Variants in CACNA1E observed in about 807,000 individuals in gnomAD.
CACNA1E encodes the protein calcium voltage-gated channel subunit alpha1 E, also known as voltage-dependent R-type calcium channel subunit alpha-1E.
In CACNA1E, 40 loss-of-function variants were observed where a neutral mutation model predicts 259.2. That is an observed-to-expected ratio of 0.15 (90% confidence interval 0.12 to 0.20). CACNA1E has a LOEUF of 0.20. Ranked by LOEUF, CACNA1E falls within the 10% of genes least tolerant of loss-of-function variation. The pLI is 1.00. For missense variants in CACNA1E, 1,874 were observed against 3,040.1 expected, an observed-to-expected ratio of 0.62 and a Z score of 9.02; for synonymous variants, 1,104 against 1,138.5, an observed-to-expected ratio of 0.97 and a Z score of 0.61.
At chr1:181,644,655 T>C (rs758047809) in intron 6 of CACNA1E, among the ~76,000 whole-genome samples, 1 of 152,144 alleles carries the variant, frequency 6.6e-6, no homozygotes, top group Non-Finnish European at 1.5e-5. Context: ...AGAAACTGAT[T>C]GTGAAACTGA....
At chr1:181,725,082 G>T (rs1167788243) in intron 17 of CACNA1E, among the ~76,000 whole-genome samples, 1 of 152,200 alleles carries the variant, frequency 6.6e-6, no homozygotes, top group Non-Finnish European at 1.5e-5. Context: ...CCCCAGTGTG[G>T]GGAGGTAATA....
chr1:181,356,341 C>CAT lies in CACNA1E; in HGVS notation c.-15+38218_-15+38219insAT, dbSNP rs1553234184. Among the ~76,000 whole-genome samples the CAT allele has an allele frequency of 5.4e-5, 8 of 147,082 alleles. No individual in the cohort carries two copies. In the South Asian group the frequency reaches 1.3e-3, roughly 23 times the overall value. On this transcript the variant is annotated intron_variant, in intron 1 of 11. Coordinates refer to the CACNA1E transcript ENST00000524607. Reference sequence around the variant, plus strand: ...TATTCCCTGGCTGTTGCCTTCTATTCGTGTGTGTGTGTGTGTGTGTGTTCA... The same window carrying CAT: ...TATTCCCTGGCTGTTGCCTTCTATTCATGTGTGTGTGTGTGTGTGTGTGTTCA...
At position 181,806,982 on chromosome 1, in the gene CACNA1E, G is replaced by A. The variant is rs1260142438; in HGVS notation, c.*8148G>A. 6.6e-6 allele frequency: 1 copy of A among 152,024 alleles called. No homozygotes were observed. Among genetic ancestry groups the A allele is most frequent in the Admixed American group, 6.5e-5 (1 of 15,270 alleles). The allele number at this position is 152,024 out of a possible 1,614,324, so 9.4% of individuals were successfully genotyped here. A position where few individuals can be genotyped will look rare whatever the true frequency, so the allele number is the denominator to read the frequency against. The stretch of plus-strand genomic sequence containing the variant: ...TCCCAAGGACATCCTGGCTCTGAAA[G>A]GTTTTCTTTTGTTAAAAAATGCACT... On this transcript the variant is annotated 3_prime_UTR_variant, in exon 48 of 48. Coordinates refer to ENST00000367573, the MANE Select transcript of CACNA1E (RefSeq NM_001205293.3).
rs1449022927 is a variant in CACNA1E at position 181,804,251 on chromosome 1, T to C, written c.*5417T>C. ...ATACCTTGGTGATCTGCAATGTTTC[T>C]GAATCTGTTTCTCTTTAGGAAGTGA... On this transcript the variant is annotated 3_prime_UTR_variant, in exon 48 of 48. Transcript: ENST00000367573. The C allele has an allele frequency of 6.6e-6, 1 of 152,220 alleles. No homozygotes were observed. The highest frequency in any genetic ancestry group is 2.4e-5 in the African/African-American group (1 of 41,452). The allele number at this position is 152,220 out of a possible 1,614,324, so 9.4% of individuals were successfully genotyped here. A position where few individuals can be genotyped will look rare whatever the true frequency, so the allele number is the denominator to read the frequency against.
In CACNA1E at chr1:181,579,084, TGTTGAA is replaced by T; in HGVS notation, c.632_637del (p.Leu211_Lys212del). On this transcript the variant is annotated inframe_deletion, in exon 5 of 48. Coordinates refer to ENST00000367573, the MANE Select transcript of CACNA1E (RefSeq NM_001205293.3). ...TCCTTCCTTCTAGGCCTGCAGATTG[TGTTGAA>T]GTCCATCATGAAGGCCATGGTACCT... 1 of 1,611,066 alleles carries T rather than the reference TGTTGAA, an allele frequency of 6.2e-7. No individual in the cohort carries two copies. Among genetic ancestry groups the T allele is most frequent in the Non-Finnish European group, 8.5e-7 (1 of 1,178,562 alleles).
At chr1:181,598,974 G>A (rs1269459453) in intron 6 of CACNA1E, among the ~76,000 whole-genome samples, 2 of 151,738 alleles carry the variant, frequency 1.3e-5, no homozygotes, top group African/African-American at 4.9e-5. Flanking sequence ...AAGTTCAGGG[G>A]TATATGTGCA....
rs187338905 is a variant in CACNA1E at position 181,497,978 on chromosome 1, C to G, written c.267-12499C>G. On this transcript the variant is annotated intron_variant, in intron 1 of 47. Transcript: ENST00000367573. ...CTTTGCTATTTTGTCTTTCCCCCGC[C>G]AAAACTCCACTGCTGCAGTTCCTTT... 1.6e-3 allele frequency among the ~76,000 whole-genome samples: 251 copies of G among 152,346 alleles called. 1 individual carries two copies. Among genetic ancestry groups the G allele is most frequent in the African/African-American group, 5.7e-3 (239 of 41,580 alleles).
intron 7 of CACNA1E, among the ~76,000 whole-genome samples, chr1:181,684,463 C>T (rs1300774211): frequency 2.0e-5 from 3 of 152,106 alleles, no homozygotes; most frequent in African/African-American, 7.2e-5. Flanking sequence ...TTTTGCTGTG[C>T]AGAAGCTCTT....
rs1366280340 is a variant in CACNA1E at position 181,577,877 on chromosome 1, T to A, written c.616+8T>A. The A allele has an allele frequency of 6.3e-7, 1 of 1,580,876 alleles. No homozygotes were observed. Among genetic ancestry groups the A allele is most frequent in the Non-Finnish European group, 8.7e-7 (1 of 1,153,922 alleles). On this transcript the variant is annotated splice_region_variant and intron_variant, in intron 4 of 47. Coordinates refer to ENST00000367573, the MANE Select transcript of CACNA1E (RefSeq NM_001205293.3). ...TCGTGTCAGGGATACCTAGTGAGCATCTGCCATTCTTTCTGCTCTGCTAAG... is the reference window on the plus strand; with the variant it reads ...TCGTGTCAGGGATACCTAGTGAGCAACTGCCATTCTTTCTGCTCTGCTAAG...
intron 26 of CACNA1E, among the ~76,000 whole-genome samples, chr1:181,750,915 G>A (rs968618205): frequency 4.6e-5 from 7 of 151,608 alleles, no homozygotes; most frequent in East Asian, 1.9e-4. Flanking sequence ...CCTTCAATTC[G>A]ATTAAATATC....
chr1:181,421,318 C>A (rs1658726411), intron 2 of CACNA1E, among the ~76,000 whole-genome samples: 1 of 152,202 alleles, frequency 6.6e-6, no homozygotes, highest in Non-Finnish European at 1.5e-5. Flanking sequence ...CCTTGCAAGC[C>A]TGTTGCAAAG....
At chr1:181,360,065 G>T (rs568033013) in intron 1 of CACNA1E, among the ~76,000 whole-genome samples, 19 of 152,080 alleles carry the variant, frequency 1.2e-4, no homozygotes, top group Non-Finnish European at 2.5e-4. Flanking sequence ...GAATCATAAG[G>T]GTTTTGCTGC....
intron 1 of CACNA1E, among the ~76,000 whole-genome samples, chr1:181,344,663 A>G (rs1339163605): frequency 1.3e-5 from 2 of 152,216 alleles, no homozygotes; most frequent in African/African-American, 4.8e-5. Context: ...ACACTGTGGC[A>G]TCATCCCTGC....
At chr1:181,409,026 GA>G (rs1657663542) in intron 1 of CACNA1E, among the ~76,000 whole-genome samples, 1 of 152,126 alleles carries the variant, frequency 6.6e-6, no homozygotes. Flanking sequence ...GGCGTAGGCT[GA>G]ATGACAATAA....
In CACNA1E at chr1:181,785,402, A is replaced by G. The variant is rs1408019589; in HGVS notation, c.5663A>G (p.Gln1888Arg). The change falls in exon 42 of 48, where the codon CAG becomes CGG. Residue 1888 changes from glutamine to arginine, a missense_variant. By Grantham distance (43) the Gln-to-Arg change is conservative. This residue lies in a region of CACNA1E where 542 missense variants were observed against 587.2 expected (regional missense o/e 0.92). Transcript: ENST00000367573. ...YKQSKVKKQR[Q>R]QLEEQKNAPM... is the part of the protein sequence containing the mutation. ...CAGAGTAAGGTGAAGAAGCAGAGGC[A>G]GCAGCTGGAGGAACAGGTGAAAGTC... The G allele has an allele frequency of 1.9e-6, 3 of 1,609,976 alleles. No homozygotes were observed. Among genetic ancestry groups the G allele is most frequent in the Non-Finnish European group, 2.5e-6 (3 of 1,176,778 alleles).
chr1:181,436,976 A>G (rs553043025), intron 2 of CACNA1E, among the ~76,000 whole-genome samples: 1 of 152,314 alleles, frequency 6.6e-6, no homozygotes, highest in South Asian at 2.1e-4. Context: ...CCCCATAAAT[A>G]TATACAATTA....
chr1:181,513,890 T>A (rs6679231), intron 3 of CACNA1E, among the ~76,000 whole-genome samples: 1,570 of 152,286 alleles, frequency 0.01, 25 homozygotes, highest in African/African-American at 0.033. Context: ...TCTTAGTGGC[T>A]CTTCAGATGT....
intron 1 of CACNA1E, among the ~76,000 whole-genome samples, chr1:181,364,366 T>C (rs960622022): frequency 2.0e-5 from 3 of 152,170 alleles, no homozygotes; most frequent in Admixed American, 6.5e-5. Context: ...ATGTGAGCTC[T>C]GTGTGGGCAG....
At chr1:181,324,328 C>T (rs1650606157) in intron 1 of CACNA1E, among the ~76,000 whole-genome samples, 2 of 152,100 alleles carry the variant, frequency 1.3e-5, no homozygotes, top group Non-Finnish European at 2.9e-5. Flanking sequence ...CAGGGTCACA[C>T]TTTAGATAGC....
Sources: allele counts gnomAD v4.1 joint callset (sites outside exome capture counted in the v4.1 genomes callset), GRCh38; gene constraint gnomAD v4.1.1; regional missense constraint gnomAD v4.1.1; transcripts MANE v1.5; gene names NCBI Gene and HGNC (gene_info 2026-07-23, HGNC 2026-07-21).